Variants in LPAR1 observed in about 807,000 individuals in gnomAD.
LPAR1 encodes LPA receptor 1.
A neutral mutation model predicts 23.8 loss-of-function variants in LPAR1; 5 were observed. The ratio of observed to expected loss-of-function variants is 0.21; its 90% CI spans 0.11 to 0.44. The LOEUF is 0.44. LPAR1 is among the 20% of genes least tolerant of loss of function. The pLI, the probability that LPAR1 is intolerant of heterozygous loss-of-function variation, is 0.99. For synonymous variants in LPAR1, 160 were observed against 164.7 expected, an observed-to-expected ratio of 0.97 and a Z score of 0.22; for missense variants, 311 against 482.8, an observed-to-expected ratio of 0.64 and a Z score of 3.33.
At chr9:110,878,349 C>T (rs192454325) in intron 5 of LPAR1, among the ~76,000 whole-genome samples, 80 of 152,126 alleles carry the variant, frequency 5.3e-4, no homozygotes, top group Non-Finnish European at 9.1e-4. Flanking sequence ...CTACAGAAGA[C>T]GAAAATGGGG....
At chr9:111,038,709 C>G (rs778072645), upstream of LPAR1, 47 of 452,148 alleles carry the variant, frequency 1.0e-4, no homozygotes, top group South Asian at 7.0e-4. The surrounding 1 kb of genome is among the most constrained non-coding windows in gnomAD (Gnocchi z 4.4). Context: ...TTCATTGGCT[C>G]GACAGCCCAC....
chr9:110,999,739 G>T (rs2097094315), intron 2 of LPAR1, among the ~76,000 whole-genome samples: 1 of 152,056 alleles, frequency 6.6e-6, no homozygotes, highest in Non-Finnish European at 1.5e-5. Context: ...TTAGGACAGG[G>T]TCTTGCTGTC....
chr9:111,009,391 C>T (rs1053852548), intron 2 of LPAR1, among the ~76,000 whole-genome samples: 1 of 151,894 alleles, frequency 6.6e-6, no homozygotes, highest in East Asian at 1.9e-4. Flanking sequence ...AAAATTCATA[C>T]CAAAACAAAT....
At chr9:110,936,752 C>A (rs1454419701) in intron 5 of LPAR1, among the ~76,000 whole-genome samples, 1 of 152,138 alleles carries the variant, frequency 6.6e-6, no homozygotes, top group African/African-American at 2.4e-5. Context: ...TTATGTCTCT[C>A]CCCAGGACTC....
At chr9:110,880,193 A>T (rs1388519469) in intron 5 of LPAR1, among the ~76,000 whole-genome samples, 2 of 152,138 alleles carry the variant, frequency 1.3e-5, no homozygotes, top group Non-Finnish European at 2.9e-5. Context: ...AACAAGCTTT[A>T]TTCCTCCCTG....
intron 5 of LPAR1, among the ~76,000 whole-genome samples, chr9:110,901,026 G>C (rs1314745324): frequency 6.6e-6 from 1 of 152,204 alleles, no homozygotes; most frequent in Non-Finnish European, 1.5e-5. Context: ...CTGCTCTTCA[G>C]AGTGAAAGCA....
At chr9:110,992,255 C>A (rs1478592518) in intron 2 of LPAR1, among the ~76,000 whole-genome samples, 1 of 152,000 alleles carries the variant, frequency 6.6e-6, no homozygotes, top group Non-Finnish European at 1.5e-5. Flanking sequence ...GGCAGATAAG[C>A]ATAGAAGAGC....
intron 4 of LPAR1, among the ~76,000 whole-genome samples, chr9:110,969,032 T>G (rs1012461913): frequency 6.6e-6 from 1 of 152,080 alleles, no homozygotes; most frequent in Non-Finnish European, 1.5e-5. Context: ...AAGAAACCAG[T>G]GTTTCTTGGC....
intron 5 of LPAR1, among the ~76,000 whole-genome samples, chr9:110,895,484 G>C (rs1466903191): frequency 6.6e-6 from 1 of 152,216 alleles, no homozygotes; most frequent in African/African-American, 2.4e-5. Flanking sequence ...CTTCTTAGCC[G>C]GGAAACTAGG....
At chr9:110,949,507 T>C (rs541799658) in intron 4 of LPAR1, among the ~76,000 whole-genome samples, 1 of 152,228 alleles carries the variant, frequency 6.6e-6, no homozygotes, top group African/African-American at 2.4e-5. Flanking sequence ...CCTTGATATG[T>C]TTTCTCTCCA....
intron 2 of LPAR1, among the ~76,000 whole-genome samples, chr9:111,016,180 G>A (rs1357602670): frequency 6.6e-6 from 1 of 151,976 alleles, no homozygotes; most frequent in Non-Finnish European, 1.5e-5. Context: ...TCCCCACCCA[G>A]ATTAATCACC....
chr9:110,877,931 G>A (rs1256488988), intron 5 of LPAR1, among the ~76,000 whole-genome samples: 1 of 152,102 alleles, frequency 6.6e-6, no homozygotes, highest in Non-Finnish European at 1.5e-5. Context: ...TTCTTCCCAT[G>A]TTAAAATTTA....
chr9:110,938,125 G>A (rs1014334735), intron 5 of LPAR1, among the ~76,000 whole-genome samples: 1 of 152,172 alleles, frequency 6.6e-6, no homozygotes, highest in Non-Finnish European at 1.5e-5. Context: ...AGCCGTGACA[G>A]GCAATGTGGC....
chr9:110,921,079 T>C (rs1434250191), intron 5 of LPAR1, among the ~76,000 whole-genome samples: 1 of 152,056 alleles, frequency 6.6e-6, no homozygotes, highest in Non-Finnish European at 1.5e-5. Flanking sequence ...GAAGCTGCAG[T>C]AAGCAAGGAT....
chr9:110,902,146 C>A lies in LPAR1; in HGVS notation c.794-26424G>T, dbSNP rs149125246. The stretch of plus-strand genomic sequence containing the variant: ...TCACCCAAGCCCAGTGTTTCTAGAG[C>A]CTCAATCTCGTAGCCAGCCCAAATA... On this transcript the variant is annotated intron_variant, in intron 5 of 5. Coordinates refer to ENST00000683809, the MANE Select transcript of LPAR1 (RefSeq NM_001351411.2). Among the ~76,000 whole-genome samples, 18 of 152,140 alleles carry A rather than the reference C, an allele frequency of 1.2e-4. No individual in the cohort carries two copies. The East Asian group carries it at 3.5e-3, about 29-fold the overall frequency.
chr9:111,002,479 T>C (rs2097145523), intron 2 of LPAR1, among the ~76,000 whole-genome samples: 1 of 152,162 alleles, frequency 6.6e-6, no homozygotes, highest in African/African-American at 2.4e-5. Context: ...ACACTACTCA[T>C]GGGGTGCCAA....
intron 5 of LPAR1, among the ~76,000 whole-genome samples, chr9:110,892,154 A>G (rs935000955): frequency 1.3e-5 from 2 of 152,252 alleles, no homozygotes; most frequent in African/African-American, 4.8e-5. Flanking sequence ...CCACAAATCA[A>G]CAGGTGAATA....
intron 5 of LPAR1, among the ~76,000 whole-genome samples, chr9:110,888,754 G>A (rs1185935625): frequency 6.6e-6 from 1 of 152,160 alleles, no homozygotes; most frequent in Non-Finnish European, 1.5e-5. Flanking sequence ...AGAGATAATG[G>A]TGGCTTTGAA....
chr9:111,009,890 T>C (rs1002932413), intron 2 of LPAR1, among the ~76,000 whole-genome samples: 3 of 151,090 alleles, frequency 2.0e-5, no homozygotes, highest in Non-Finnish European at 4.4e-5. Flanking sequence ...GATTTTATTA[T>C]GGATGCTAAG....
Sources: allele counts gnomAD v4.1 joint callset (sites outside exome capture counted in the v4.1 genomes callset), GRCh38; gene constraint gnomAD v4.1.1; non-coding constraint Gnocchi (gnomAD v3.1); transcripts MANE v1.5; gene names NCBI Gene and HGNC (gene_info 2026-07-23, HGNC 2026-07-21).